KCNIP1: variants seen among roughly 807,000 people sequenced by gnomAD.
KCNIP1 encodes A-type potassium channel modulatory protein KCNIP1.
Under a neutral mutation model 33.0 loss-of-function variants are expected in KCNIP1, and 18 were observed. The observed-to-expected ratio is 0.55, with a 90% CI of 0.38 to 0.81. The LOEUF (loss-of-function observed/expected upper bound fraction) is 0.81. Ranked by LOEUF, KCNIP1 falls within the 30% of genes least tolerant of loss-of-function variation. The pLI is 0.00. For synonymous variants in KCNIP1, 93 were observed against 98.3 expected, an observed-to-expected ratio of 0.95 and a Z score of 0.32; for missense variants, 238 against 271.6, an observed-to-expected ratio of 0.88 and a Z score of 0.87.
chr5:170,437,018 A>G (rs916947951), intron 1 of KCNIP1, among the ~76,000 whole-genome samples: 1 of 152,242 alleles, frequency 6.6e-6, no homozygotes. Flanking sequence ...AGACCCAAAG[A>G]AACAGGGACA....
chr5:170,394,601 T>C (rs1754707460), intron 1 of KCNIP1, among the ~76,000 whole-genome samples: 1 of 152,254 alleles, frequency 6.6e-6, no homozygotes, highest in Non-Finnish European at 1.5e-5. Context: ...CTTTTCTTTC[T>C]TGAATTTTAA....
chr5:170,431,963 T>G (rs1473711968), intron 1 of KCNIP1, among the ~76,000 whole-genome samples: 1 of 152,156 alleles, frequency 6.6e-6, no homozygotes, highest in Non-Finnish European at 1.5e-5. Flanking sequence ...GGTGGGCAGA[T>G]TCCATCTCAT....
chr5:170,552,208 G>A (rs573095032), intron 1 of KCNIP1, among the ~76,000 whole-genome samples: 8 of 152,260 alleles, frequency 5.3e-5, no homozygotes, highest in African/African-American at 1.4e-4. Flanking sequence ...ATCTCTTGGC[G>A]TCTGAAATAA....
chr5:170,476,244 T>G lies in KCNIP1; in HGVS notation c.88+122280T>G, dbSNP rs189916929. Among the ~76,000 whole-genome samples, 91 of 152,332 alleles carry G rather than the reference T, an allele frequency of 6.0e-4. 1 individual carries two copies. In the East Asian group the frequency reaches 9.4e-3, roughly 16 times the overall value. On this transcript the variant is annotated intron_variant, in intron 1 of 7. Transcript: ENST00000377360. ...CCTTGGCCTCCCAAAGTGCTGGGATTACAGGCATGAGCTACTGCACCCAGC... is the reference window on the plus strand; with the variant it reads ...CCTTGGCCTCCCAAAGTGCTGGGATGACAGGCATGAGCTACTGCACCCAGC...
At chr5:170,683,561 A>T (rs992157090) in intron 1 of KCNIP1, among the ~76,000 whole-genome samples, 1 of 151,918 alleles carries the variant, frequency 6.6e-6, no homozygotes, top group African/African-American at 2.4e-5. Flanking sequence ...TGATATGGAG[A>T]CTCTGTTCAC....
intron 1 of KCNIP1, among the ~76,000 whole-genome samples, chr5:170,674,981 T>TCG (rs1762073702): frequency 6.6e-6 from 1 of 151,908 alleles, no homozygotes; most frequent in African/African-American, 2.4e-5. Flanking sequence ...TTTTGTTTTT[T>TCG]TTTTTTTAAC....
intron 1 of KCNIP1, among the ~76,000 whole-genome samples, chr5:170,566,614 C>G (rs1415677717): frequency 6.6e-6 from 1 of 152,122 alleles, no homozygotes; most frequent in African/African-American, 2.4e-5. Context: ...CAGGAGACCT[C>G]GTAGTCTACA....
chr5:170,578,190 A>G (rs1011749566), intron 1 of KCNIP1, among the ~76,000 whole-genome samples: 6 of 152,220 alleles, frequency 3.9e-5, no homozygotes, highest in Non-Finnish European at 8.8e-5. Context: ...GAAGGGGGGA[A>G]AGAAAACTAG....
intron 1 of KCNIP1, among the ~76,000 whole-genome samples, chr5:170,537,363 A>G (rs931331696): frequency 1.3e-5 from 2 of 152,234 alleles, no homozygotes; most frequent in Admixed American, 6.5e-5. Context: ...AGCCATGTGG[A>G]GCAACAGTTA....
chr5:170,642,464 A>G (rs1760606412), intron 1 of KCNIP1, among the ~76,000 whole-genome samples: 1 of 152,216 alleles, frequency 6.6e-6, no homozygotes, highest in South Asian at 2.1e-4. Flanking sequence ...GTACACAATC[A>G]TTAGAGGGTC....
At chr5:170,432,256 A>G (rs1755761054) in intron 1 of KCNIP1, among the ~76,000 whole-genome samples, 1 of 152,300 alleles carries the variant, frequency 6.6e-6, no homozygotes, top group Middle Eastern at 3.4e-3. Context: ...GCACTCATTT[A>G]TATCAACCCC....
chr5:170,682,120 G>C (rs1182715836), intron 1 of KCNIP1, among the ~76,000 whole-genome samples: 1 of 152,210 alleles, frequency 6.6e-6, no homozygotes, highest in African/African-American at 2.4e-5. Context: ...CAAAGGACTA[G>C]CTAAAATACC....
intron 1 of KCNIP1, among the ~76,000 whole-genome samples, chr5:170,624,723 C>CGG (rs1461838430): frequency 0.26 from 8,629 of 33,398 alleles, 553 homozygotes; most frequent in East Asian, 0.28. Context: ...GGAAAGGAGA[C>CGG]CGGGGAGGTG....
At chr5:170,523,791 C>T (rs1755461041) in intron 1 of KCNIP1, among the ~76,000 whole-genome samples, 1 of 152,174 alleles carries the variant, frequency 6.6e-6, no homozygotes, top group African/African-American at 2.4e-5. Flanking sequence ...GCCCATTGCA[C>T]TCCAGCCTGA....
At chr5:170,574,868 T>C (rs1330822963) in intron 1 of KCNIP1, among the ~76,000 whole-genome samples, 1 of 152,218 alleles carries the variant, frequency 6.6e-6, no homozygotes, top group Non-Finnish European at 1.5e-5. Context: ...AGAACACCCG[T>C]GCAGACATGG....
intron 1 of KCNIP1, among the ~76,000 whole-genome samples, chr5:170,479,260 G>A (rs1756922951): frequency 6.6e-6 from 1 of 152,200 alleles, no homozygotes; most frequent in Non-Finnish European, 1.5e-5. Context: ...GTCTTAGCAG[G>A]CACTAGCAGA....
chr5:170,371,280 C>A (rs13362016), intron 1 of KCNIP1, among the ~76,000 whole-genome samples: 2,284 of 152,216 alleles, frequency 0.015, 49 homozygotes, highest in African/African-American at 0.05. Context: ...ACAGCAGAAC[C>A]TTTGTGGGAC....
chr5:170,684,996 T>C (rs1477403702), intron 1 of KCNIP1, among the ~76,000 whole-genome samples: 1 of 152,082 alleles, frequency 6.6e-6, no homozygotes, highest in Non-Finnish European at 1.5e-5. Context: ...ACTTAATCTG[T>C]TTATCATATT....
Position 170,410,606 on chromosome 5 carries a change from G to A in KCNIP1, c.88+56642G>A, listed in dbSNP as rs189913005. Among the ~76,000 whole-genome samples, 281 of 152,202 alleles carry A rather than the reference G, an allele frequency of 1.8e-3. 1 individual carries two copies. The highest frequency in any genetic ancestry group is 6.5e-3 in the African/African-American group (270 of 41,520). Reference sequence around the variant, plus strand: ...AAGGGAACTGAAGTTGTTTCCCCAGGCTGAGCTCTGCACCAGAGGTCAGGG... The same window carrying A: ...AAGGGAACTGAAGTTGTTTCCCCAGACTGAGCTCTGCACCAGAGGTCAGGG... On this transcript the variant is annotated intron_variant, in intron 1 of 7. Transcript: ENST00000377360.
Sources: gnomAD v4.1 joint callset for allele counts (sites outside exome capture counted in the v4.1 genomes callset) on GRCh38, gnomAD v4.1.1 for gene constraint, MANE v1.5 for transcripts, NCBI Gene and HGNC (gene_info 2026-07-23, HGNC 2026-07-21) for gene names.